Variants in SVOPL observed in about 807,000 individuals in gnomAD.
The protein encoded by SVOPL is SVOP like, also known as putative transporter SVOPL.
SVOPL carries 60 observed loss-of-function variants against 61.0 expected under a neutral mutation model. The observed-to-expected ratio is 0.98, with a 90% CI of 0.80 to 1.22. SVOPL has a LOEUF of 1.22. Among genes scored for constraint, SVOPL ranks in the 50% most tolerant of loss-of-function variants. The probability of loss-of-function intolerance (pLI) is 0.00; values close to 1 mark genes in which losing one functional copy is unlikely to be tolerated. For synonymous variants in SVOPL, 279 were observed against 250.0 expected, an observed-to-expected ratio of 1.12 and a Z score of -1.09; for missense variants, 662 against 643.9, an observed-to-expected ratio of 1.03 and a Z score of -0.30.
At chr7:138,670,094 G>GA (rs1332927423) in intron 4 of SVOPL, among the ~76,000 whole-genome samples, 2 of 152,074 alleles carry the variant, frequency 1.3e-5, no homozygotes, top group African/African-American at 4.8e-5. Context: ...AATTATAATA[G>GA]AAAAAATTAT....
At chr7:138,616,340 CT>C (rs5887891) in intron 14 of SVOPL, among the ~76,000 whole-genome samples, 9 of 146,110 alleles carry the variant, frequency 6.2e-5, no homozygotes, top group Non-Finnish European at 1.0e-4. Flanking sequence ...ATCTTTAATA[CT>C]TTTTTTTTTT....
intron 4 of SVOPL, among the ~76,000 whole-genome samples, chr7:138,669,120 C>T (rs1802351645): frequency 1.3e-5 from 2 of 152,234 alleles, no homozygotes; most frequent in African/African-American, 2.4e-5. Context: ...GGGCTCTCTG[C>T]AGTTTCCTTA....
intron 1 of SVOPL, among the ~76,000 whole-genome samples, chr7:138,687,732 C>T (rs1802852012): frequency 6.7e-6 from 1 of 148,920 alleles, no homozygotes; most frequent in African/African-American, 2.5e-5. Flanking sequence ...TATTTGCAAA[C>T]CATATACCTG....
intron 1 of SVOPL, among the ~76,000 whole-genome samples, chr7:138,698,878 C>T (rs928842740): frequency 3.3e-5 from 5 of 152,068 alleles, no homozygotes; most frequent in African/African-American, 7.2e-5. Flanking sequence ...AGGCTGGGGG[C>T]GGTGGCTCAC....
In SVOPL at chr7:138,641,838, T is replaced by TATATATATAAC. The variant is rs1554464943; in HGVS notation, c.789+2868_789+2878dup. Among the ~76,000 whole-genome samples, 327 of 132,900 alleles carry TATATATATAAC rather than the reference T, an allele frequency of 2.5e-3. 4 individuals carry two copies. Among genetic ancestry groups the TATATATATAAC allele is most frequent in the Admixed American group, 9.8e-3 (125 of 12,800 alleles). 87.2% of individuals were successfully genotyped at this position (132,900 alleles called of 152,430 possible). A position where few individuals can be genotyped will look rare whatever the true frequency, so the allele number is the denominator to read the frequency against. ...GTTATATATATATATATATATAACATATATATATAACATATATATAGTCAA... is the reference window on the plus strand; with the variant it reads ...GTTATATATATATATATATATAACATATATATATAACATATATATAACATATATATAGTCAA... On this transcript the variant is annotated intron_variant, in intron 9 of 15. Coordinates refer to ENST00000674285, the MANE Select transcript of SVOPL (RefSeq NM_001139456.2).
At position 138,648,162 on chromosome 7, in the gene SVOPL, G is replaced by A. The variant is rs575999299; in HGVS notation, c.660+850C>T. On this transcript the variant is annotated intron_variant, in intron 8 of 15. Transcript: ENST00000674285. The stretch of plus-strand genomic sequence containing the variant: ...GTGGTGGCCTGGGAGTATGTCAACA[G>A]CATCCAACAGGTGGTGCTGAAGGAG... 2.5e-3 allele frequency among the ~76,000 whole-genome samples: 381 copies of A among 152,248 alleles called. 2 individuals are homozygous for A. The highest frequency in any genetic ancestry group is 8.7e-3 in the African/African-American group (363 of 41,554).
intron 14 of SVOPL, among the ~76,000 whole-genome samples, chr7:138,598,954 A>G (rs59552958): frequency 0.085 from 12,976 of 152,046 alleles, 809 homozygotes; most frequent in African/African-American, 0.17. Context: ...GATTTTGAGA[A>G]AAAACTAATT....
At chr7:138,642,848 A>AAAAAAAG (rs1437306629) in intron 9 of SVOPL, among the ~76,000 whole-genome samples, 1 of 35,448 alleles carries the variant, frequency 2.8e-5, no homozygotes, top group African/African-American at 5.5e-5. Context: ...AAAAAAAAAA[A>AAAAAAAG]AAGAAGAAAC....
At position 138,644,754 on chromosome 7, in the gene SVOPL, G is replaced by A. The variant is rs780273701; in HGVS notation, c.752C>T (p.Ser251Leu). The change falls in exon 9 of 16, where the codon TCG becomes TTG. Residue 251 changes from serine to leucine, a missense_variant. By Grantham distance (145) the Ser-to-Leu change is moderately radical (BLOSUM62 -2). Coordinates refer to ENST00000674285, the MANE Select transcript of SVOPL (RefSeq NM_001139456.2). ...TLERVAKMNR[S>L]VMPEGKLVEP... ...CACCAGCTTCCCCTCCGGCATGACC[G>A]AGCGGTTCATCTTGGCAACGCGCTC... 6.8e-6 allele frequency: 11 copies of A among 1,614,006 alleles called. No individual in the cohort carries two copies. The highest frequency in any genetic ancestry group is 6.7e-5 in the East Asian group (3 of 44,890).
At chr7:138,631,407 C>T (rs1200274796) in intron 9 of SVOPL, among the ~76,000 whole-genome samples, 6 of 152,234 alleles carry the variant, frequency 3.9e-5, no homozygotes, top group African/African-American at 1.4e-4. Context: ...CACTGTTTTG[C>T]TATCAAATAG....
In SVOPL at chr7:138,659,978, A is replaced by G. The variant is rs981360330; in HGVS notation, c.356T>C (p.Ile119Thr). 1.9e-6 allele frequency: 3 copies of G among 1,551,590 alleles called. No individual in the cohort carries two copies. In the South Asian group the frequency reaches 3.6e-5, roughly 18 times the overall value. Residue 119 changes from isoleucine to threonine, a missense_variant, in exon 6 of 16, where the codon ATC (isoleucine) becomes ACC (threonine). Physicochemically the swap from Ile to Thr is moderately conservative, Grantham distance 89. Coordinates refer to ENST00000674285, the MANE Select transcript of SVOPL (RefSeq NM_001139456.2). ...GAAATAGGCTCCCCACAGGAACGAG[A>G]TGAGCAGAATCTGAAGCAACAGCAG... Reference protein sequence around the residue: ...DRYGRWKILLISFLWGAYFSL... With the variant: ...DRYGRWKILLTSFLWGAYFSL...
intron 9 of SVOPL, among the ~76,000 whole-genome samples, chr7:138,631,865 G>A (rs977358393): frequency 1.3e-5 from 2 of 151,586 alleles, no homozygotes; most frequent in African/African-American, 2.4e-5. Flanking sequence ...CACCATGCCC[G>A]GCAGGCTCAC....
intron 8 of SVOPL, 83 bp downstream of exon 8, chr7:138,648,929 A>G (rs1389907828): frequency 6.3e-6 from 10 of 1,586,234 alleles, no homozygotes; most frequent in Admixed American, 1.8e-5. Flanking sequence ...CTCGAGGGGG[A>G]AAATAAAAGA....
intron 14 of SVOPL, among the ~76,000 whole-genome samples, chr7:138,600,801 T>A (rs1325289592): frequency 6.6e-6 from 1 of 152,006 alleles, no homozygotes; most frequent in African/African-American, 2.4e-5. Context: ...TCACCTCACA[T>A]GTCTATCACA....
At position 138,627,407 on chromosome 7, in the gene SVOPL, G is replaced by A. The variant is rs1225594931; in HGVS notation, c.1124C>T (p.Ser375Phe). 2 of 1,613,690 alleles carry A rather than the reference G, an allele frequency of 1.2e-6. No homozygotes were observed. The highest frequency in any genetic ancestry group is 2.7e-5 in the African/African-American group (2 of 74,934). Residue 375 changes from serine (S) to phenylalanine (F), a missense_variant, in exon 12 of 16, where the codon TCT becomes TTT. Ser to Phe is a radical substitution (Grantham distance 155, BLOSUM62 -2). Transcript: ENST00000674285. ...INFLGRRLSL[S>F]ITMGCTALFF... ...TAAAGCCGTGCATCCCATGGTAATA[G>A]AAAGGCTCAGCCGTCTTCCCAGGAA...
chr7:138,646,843 A>G (rs1801139678), intron 8 of SVOPL, among the ~76,000 whole-genome samples: 1 of 152,150 alleles, frequency 6.6e-6, no homozygotes, highest in Admixed American at 6.6e-5. Flanking sequence ...GACTACACCA[A>G]CAGAGGCAGA....
At position 138,646,741 on chromosome 7, in the gene SVOPL, ACTC is replaced by A. The variant is rs1801134587; in HGVS notation, c.661-1899_661-1897del. 4.6e-5 allele frequency among the ~76,000 whole-genome samples: 7 copies of A among 151,526 alleles called. No individual in the cohort carries two copies. The South Asian group carries it at 1.5e-3, about 32-fold the overall frequency. On this transcript the variant is annotated intron_variant, in intron 8 of 15. Coordinates refer to ENST00000674285, the MANE Select transcript of SVOPL (RefSeq NM_001139456.2). ...GCCATGTTGCCCGGGCTGGTCTTGA[ACTC>A]CTGGGCTCAAGCGATCCTCCTGCCT...
At chr7:138,684,216 C>T (rs193300828) in intron 1 of SVOPL, among the ~76,000 whole-genome samples, 77 of 149,748 alleles carry the variant, frequency 5.1e-4, no homozygotes, top group African/African-American at 1.6e-3. Flanking sequence ...AATACAAAAA[C>T]TAGCAGGGCA....
intron 9 of SVOPL, among the ~76,000 whole-genome samples, chr7:138,638,214 A>G (rs1221515576): frequency 6.9e-5 from 10 of 144,622 alleles, no homozygotes; most frequent in African/African-American, 2.6e-4. Flanking sequence ...GGGAGGTTTC[A>G]GTGTGCCGAG....
Sources: allele counts gnomAD v4.1 joint callset (sites outside exome capture counted in the v4.1 genomes callset), GRCh38; gene constraint gnomAD v4.1.1; transcripts MANE v1.5; gene names NCBI Gene and HGNC (gene_info 2026-07-23, HGNC 2026-07-21).